The following TENM3 variants were observed in gnomAD, a reference collection of about 807,000 sequenced individuals.
TENM3 encodes the protein teneurin transmembrane protein 3.
In TENM3, 63 loss-of-function variants were observed where a neutral mutation model predicts 255.1. The ratio of observed to expected loss-of-function variants is 0.25; its 90% confidence interval spans 0.20 to 0.30. TENM3 has a LOEUF of 0.30. Among genes scored for constraint, TENM3 ranks in the 10% least tolerant of loss-of-function variants. The pLI is 1.00. For missense variants in TENM3, 2,929 were observed against 3,461.1 expected (o/e 0.85, Z 3.86); for synonymous variants, 1,306 against 1,322.3 (o/e 0.99, Z 0.27).
chr4:182,202,192 C>T lies in TENM3; in HGVS notation c.-76+57438C>T, dbSNP rs947017682. Among the ~76,000 whole-genome samples the T allele has an allele frequency of 4.0e-5, 6 of 151,848 alleles. No individual in the cohort carries two copies. The South Asian group carries it at 1.2e-3, about 32-fold the overall frequency. ...GTTTTATAGCTCTGTTTAACTGGAA[C>T]GTGGGCTTGTGAGTGGGGAAAGAGA... On this transcript the variant is annotated intron_variant, in intron 1 of 2. Transcript: ENST00000512480.
chr4:181,469,914 C>A, the TENM3 span, among the ~76,000 whole-genome samples: 1 of 151,678 alleles, frequency 6.6e-6, no homozygotes, highest in Non-Finnish European at 1.5e-5. Context: ...AAACAGGAGA[C>A]CCTGCCTGTT....
At chr4:181,595,043 C>T in the TENM3 span, among the ~76,000 whole-genome samples, 1 of 152,108 alleles carries the variant, frequency 6.6e-6, no homozygotes, top group Non-Finnish European at 1.5e-5. Context: ...ATTCTCTTTT[C>T]TGAACTACTG....
At chr4:181,963,574 G>A in the TENM3 span, among the ~76,000 whole-genome samples, 1 of 152,224 alleles carries the variant, frequency 6.6e-6, no homozygotes, top group South Asian at 2.1e-4. Context: ...TGAATTCAGA[G>A]GGAATTGGAA....
the TENM3 span, among the ~76,000 whole-genome samples, chr4:181,940,461 C>T: frequency 3.9e-5 from 6 of 152,004 alleles, no homozygotes; most frequent in Non-Finnish European, 7.4e-5. Context: ...AGTTCCAGTC[C>T]GGTGCAGTAC....
rs959922678 is a variant in TENM3, at chr4:182,525,160, C to T, written c.512-75764C>T. 2.6e-5 allele frequency among the ~76,000 whole-genome samples: 4 copies of T among 152,176 alleles called. No homozygotes were observed. In the East Asian group the frequency reaches 7.7e-4, roughly 29 times the overall value. ...TCCTTGAGTTTAGCATCTGTACCTG[C>T]CGATTCCCTGCCTCTGCCTTGAGTA... is the stretch of plus-strand genomic sequence containing the variant. On this transcript the variant is annotated intron_variant, in intron 3 of 27. Transcript: ENST00000511685.
At chr4:182,723,387 A>T (rs1356558500) in intron 13 of TENM3, among the ~76,000 whole-genome samples, 1 of 152,190 alleles carries the variant, frequency 6.6e-6, no homozygotes, top group African/African-American at 2.4e-5. Context: ...GGAATTTCTA[A>T]TTCGGACTTG....
the TENM3 span, among the ~76,000 whole-genome samples, chr4:181,530,982 ATTGT>A: frequency 6.6e-6 from 1 of 152,020 alleles, no homozygotes; most frequent in East Asian, 1.9e-4. Context: ...GTCAGCCCTA[ATTGT>A]TTGTCTTACT....
chr4:181,910,862 A>G, the TENM3 span, among the ~76,000 whole-genome samples: 5,550 of 152,076 alleles, frequency 0.036, 96 homozygotes, highest in Non-Finnish European at 0.041. Flanking sequence ...GTGACTCCAT[A>G]ATATCCCATG....
chr4:182,486,464 G>C (rs573453872), intron 3 of TENM3, among the ~76,000 whole-genome samples: 26 of 152,258 alleles, frequency 1.7e-4, no homozygotes, highest in African/African-American at 6.0e-4. Context: ...TGGGGAGCAT[G>C]ATTTTATTAA....
Position 182,231,577 on chromosome 4 carries a change from A to T in TENM3, c.-76+86823A>T, listed in dbSNP as rs111786792. Among the ~76,000 whole-genome samples, 391 of 152,314 alleles carry T rather than the reference A, an allele frequency of 2.6e-3. 1 individual carries two copies. The highest frequency in any genetic ancestry group is 9.0e-3 in the African/African-American group (375 of 41,572). On this transcript the variant is annotated intron_variant, in intron 1 of 2. Coordinates refer to the TENM3 transcript ENST00000512480. ...AAAAGTGCAGAGAACCCTGGCCAGCAGTAGAAGGTTCTGGCCAAAGGGTGA... is the reference window on the plus strand; with the variant it reads ...AAAAGTGCAGAGAACCCTGGCCAGCTGTAGAAGGTTCTGGCCAAAGGGTGA...
chr4:181,998,789 T>C, the TENM3 span, among the ~76,000 whole-genome samples: 1 of 152,132 alleles, frequency 6.6e-6, no homozygotes, highest in African/African-American at 2.4e-5. Context: ...GACAAAGCCT[T>C]GGGCCCCCTA....
chr4:181,856,161 G>C, the TENM3 span, among the ~76,000 whole-genome samples: 7 of 148,190 alleles, frequency 4.7e-5, no homozygotes, highest in African/African-American at 1.7e-4. Flanking sequence ...GGAAAGGGAA[G>C]GAAAGGGAAG....
the TENM3 span, among the ~76,000 whole-genome samples, chr4:182,011,925 C>T: frequency 2.0e-5 from 3 of 152,242 alleles, no homozygotes; most frequent in African/African-American, 4.8e-5. Flanking sequence ...GAGAAATAAA[C>T]CAGTGTGTTA....
At chr4:182,346,586 A>G (rs1360717444) in intron 2 of TENM3, 65 bp from the exon 3 acceptor site, 4 of 1,398,234 alleles carry the variant, frequency 2.9e-6, no homozygotes, top group East Asian at 2.3e-5. Context: ...AAAAAAAAAA[A>G]AAAGAAAAGA....
In TENM3 at chr4:182,625,835, G is replaced by A. The variant is rs148091893; in HGVS notation, c.750-2816G>A. On this transcript the variant is annotated intron_variant, in intron 4 of 27. Coordinates refer to ENST00000511685, the MANE Select transcript of TENM3 (RefSeq NM_001080477.4). Reference sequence around the variant, plus strand: ...ATAGGCTGTTTCTACGGGCTGCTGAGCCTCCTGCTCACTCTTCATGTATAA... The same window carrying A: ...ATAGGCTGTTTCTACGGGCTGCTGAACCTCCTGCTCACTCTTCATGTATAA... Among the ~76,000 whole-genome samples, 1,257 of 152,208 alleles carry A rather than the reference G, an allele frequency of 8.3e-3. 18 individuals carry two copies. Among genetic ancestry groups the A allele is most frequent in the African/African-American group, 0.022 (911 of 41,508 alleles).
chr4:181,588,211 A>T, the TENM3 span, among the ~76,000 whole-genome samples: 1 of 152,224 alleles, frequency 6.6e-6, no homozygotes, highest in Admixed American at 6.5e-5. Flanking sequence ...TACTGTGAAC[A>T]GAACACACCA....
intron 3 of TENM3, among the ~76,000 whole-genome samples, chr4:182,466,738 T>C (rs1732633030): frequency 6.6e-6 from 1 of 151,916 alleles, no homozygotes; most frequent in East Asian, 1.9e-4. Context: ...TATTTCCAAA[T>C]AAGGTCACAT....
the TENM3 span, among the ~76,000 whole-genome samples, chr4:181,897,307 C>T: frequency 6.6e-6 from 1 of 152,130 alleles, no homozygotes; most frequent in Non-Finnish European, 1.5e-5. Flanking sequence ...CATTTTTTAT[C>T]CATACCTCAT....
chr4:182,428,390 A>C (rs1019197723), intron 3 of TENM3, among the ~76,000 whole-genome samples: 2 of 152,122 alleles, frequency 1.3e-5, no homozygotes, highest in Non-Finnish European at 2.9e-5. Flanking sequence ...CCACCTGTCT[A>C]GTTCCCATGT....
Sources: allele counts gnomAD v4.1 joint callset (sites outside exome capture counted in the v4.1 genomes callset), GRCh38; gene constraint gnomAD v4.1.1; transcripts MANE v1.5; gene names NCBI Gene and HGNC (gene_info 2026-07-23, HGNC 2026-07-21).